GPD2: variants seen among roughly 807,000 people sequenced by gnomAD.
GPD2 encodes glycerol-3-phosphate dehydrogenase, mitochondrial.
A neutral mutation model predicts 82.4 loss-of-function variants in GPD2; 54 were observed. The ratio of observed to expected loss-of-function variants is 0.66; its 90% CI spans 0.53 to 0.82. The LOEUF is 0.82. GPD2 is among the 40% of genes least tolerant of loss of function. GPD2 has a pLI of 0.00. For missense variants in GPD2, 748 were observed against 896.2 expected, an observed-to-expected ratio of 0.83 and a Z score of 2.11; for synonymous variants, 288 against 306.1, an observed-to-expected ratio of 0.94 and a Z score of 0.62.
Position 156,583,802 on chromosome 2 carries a change from A to C in GPD2, c.*884A>C, listed in dbSNP as rs568681265. ...AAATTTATCTAATTATTACAGTAGT[A>C]ATACATTTAAGAGTTAAAAATGTGT... On this transcript the variant is annotated 3_prime_UTR_variant, in exon 17 of 17. Transcript: ENST00000438166. 6.6e-6 allele frequency: 1 copy of C among 152,648 alleles called. No homozygotes were observed. Among genetic ancestry groups the C allele is most frequent in the South Asian group, 2.1e-4 (1 of 4,826 alleles). The allele number at this position is 152,648 out of a possible 1,614,324, so 9.5% of individuals were successfully genotyped here.
chr2:156,450,740 A>T (rs1682529090), intron 1 of GPD2, among the ~76,000 whole-genome samples: 1 of 91,410 alleles, frequency 1.1e-5, no homozygotes, highest in Non-Finnish European at 2.2e-5. Context: ...ACAGGACAAT[A>T]GTGGAGGGAA....
At chr2:156,475,276 T>C (rs1683466714) in intron 1 of GPD2, among the ~76,000 whole-genome samples, 1 of 152,188 alleles carries the variant, frequency 6.6e-6, no homozygotes, top group Non-Finnish European at 1.5e-5. Flanking sequence ...CAGGTTAAAT[T>C]GGTCAGTTTG....
the GPD2 span, among the ~76,000 whole-genome samples, chr2:156,416,429 C>T: frequency 6.6e-6 from 1 of 151,238 alleles, no homozygotes; most frequent in Admixed American, 6.6e-5. Context: ...ATCATTGTAA[C>T]CTTGACTTCT....
chr2:156,473,203 A>G (rs1241303761), intron 1 of GPD2, among the ~76,000 whole-genome samples: 1 of 152,178 alleles, frequency 6.6e-6, no homozygotes. Context: ...AAATTATGGA[A>G]AAAGGAAAAC....
chr2:156,511,175 T>C, intron 4 of GPD2, among the ~76,000 whole-genome samples: 1 of 152,242 alleles, frequency 6.6e-6, no homozygotes, highest in South Asian at 2.1e-4. Context: ...CTTTTGAATG[T>C]GTTGCCTTTT....
At chr2:156,516,456 TGAGACA>T (rs1685198567) in intron 6 of GPD2, among the ~76,000 whole-genome samples, 1 of 152,232 alleles carries the variant, frequency 6.6e-6, no homozygotes, top group Non-Finnish European at 1.5e-5. Context: ...TTAAGTTTTT[TGAGACA>T]GAGTCTTGCC....
intron 1 of GPD2, among the ~76,000 whole-genome samples, chr2:156,441,756 C>T (rs1006791589): frequency 1.3e-5 from 2 of 152,036 alleles, no homozygotes; most frequent in East Asian, 1.9e-4. Context: ...TACCCTGTGG[C>T]GTCTGCACAA....
At chr2:156,499,568 C>A (rs1018429418) in intron 3 of GPD2, among the ~76,000 whole-genome samples, 8 of 152,144 alleles carry the variant, frequency 5.3e-5, no homozygotes, top group African/African-American at 1.9e-4. Context: ...AAAAGTCTTA[C>A]TATATTTGCC....
chr2:156,532,830 T>G (rs143973364), intron 6 of GPD2, among the ~76,000 whole-genome samples: 1 of 152,222 alleles, frequency 6.6e-6, no homozygotes, highest in Non-Finnish European at 1.5e-5. Flanking sequence ...ACATTTGATA[T>G]AGAAATCATG....
the GPD2 span, among the ~76,000 whole-genome samples, chr2:156,400,765 G>C: frequency 2.0e-5 from 3 of 152,210 alleles, no homozygotes; most frequent in Non-Finnish European, 2.9e-5. Flanking sequence ...TATGCTTTCG[G>C]CTGGGGGATG....
chr2:156,408,732 AAGAC>A, the GPD2 span, among the ~76,000 whole-genome samples: 1 of 151,326 alleles, frequency 6.6e-6, no homozygotes, highest in Non-Finnish European at 1.5e-5. Context: ...AAAAAAAAAA[AAGAC>A]AAGAAAGGCA....
intron 6 of GPD2, among the ~76,000 whole-genome samples, chr2:156,544,387 C>T (rs1686446178): frequency 6.6e-6 from 1 of 152,178 alleles, no homozygotes; most frequent in African/African-American, 2.4e-5. Context: ...TTGGCCAAAA[C>T]AATTTCACAT....
intron 2 of GPD2, among the ~76,000 whole-genome samples, chr2:156,485,863 A>T (rs1019425824): frequency 1.3e-5 from 2 of 152,228 alleles, no homozygotes; most frequent in African/African-American, 2.4e-5. Context: ...TTAGTTTCTA[A>T]TCTGGTGGAC....
At chr2:156,506,586 A>C (rs1387891431) in intron 3 of GPD2, among the ~76,000 whole-genome samples, 1 of 152,018 alleles carries the variant, frequency 6.6e-6, no homozygotes, top group Non-Finnish European at 1.5e-5. Context: ...CAATTTGGGA[A>C]ATTAAAAAAA....
chr2:156,457,138 T>A (rs1331274013), intron 1 of GPD2, among the ~76,000 whole-genome samples: 1 of 152,122 alleles, frequency 6.6e-6, no homozygotes, highest in Non-Finnish European at 1.5e-5. Context: ...TTTCCTAAGG[T>A]ACTTAGATGG....
At chr2:156,553,378 C>T (rs915712957) in intron 8 of GPD2, among the ~76,000 whole-genome samples, 23 of 151,864 alleles carry the variant, frequency 1.5e-4, no homozygotes, top group African/African-American at 5.6e-4. Context: ...TGAGATTGTT[C>T]CTTTATTTAT....
chr2:156,570,248 GTCTGCCATGGGATACCATTTA>G (rs779077464), intron 12 of GPD2, 30 bp downstream of exon 12: 86 of 1,595,236 alleles, frequency 5.4e-5, no homozygotes, highest in Non-Finnish European at 7.0e-5. Context: ...GGAATTTCAT[GTCTGCCATGGGATACCATTTA>G]TCTGTTCATT....
At chr2:156,451,773 G>T (rs1682603452) in intron 1 of GPD2, among the ~76,000 whole-genome samples, 1 of 151,704 alleles carries the variant, frequency 6.6e-6, no homozygotes, top group Non-Finnish European at 1.5e-5. Context: ...CCCAGACAGG[G>T]TGGCTGCCGG....
chr2:156,501,380 A>G (rs900058461), intron 3 of GPD2, among the ~76,000 whole-genome samples: 2 of 152,226 alleles, frequency 1.3e-5, no homozygotes, highest in African/African-American at 4.8e-5. Flanking sequence ...ATATTATGGA[A>G]TTAGAATGAA....
Sources: gnomAD v4.1 joint callset for allele counts (sites outside exome capture counted in the v4.1 genomes callset) on GRCh38, gnomAD v4.1.1 for gene constraint, MANE v1.5 for transcripts, NCBI Gene and HGNC (gene_info 2026-07-23, HGNC 2026-07-21) for gene names.